VPS39: variants seen among roughly 807,000 people sequenced by gnomAD.
The protein encoded by VPS39 is vam6/Vps39-like protein.
In VPS39, 70 loss-of-function variants were observed where a neutral mutation model predicts 121.0. The observed-to-expected ratio is 0.58, with a 90% CI of 0.48 to 0.71. VPS39 has a LOEUF of 0.71. Among genes scored for constraint, VPS39 ranks in the 30% least tolerant of loss-of-function variants. The pLI is 0.00. For missense variants in VPS39, 818 were observed against 1,051.5 expected, an observed-to-expected ratio of 0.78 and a Z score of 3.07; for synonymous variants, 378 against 398.1, an observed-to-expected ratio of 0.95 and a Z score of 0.60.
rs2049088096 is a variant in VPS39, at chr15:42,159,553, C to T, written c.*1201G>A. 1 of 152,512 alleles carries T rather than the reference C, an allele frequency of 6.6e-6. No homozygotes were observed. The allele number at this position is 152,512 out of a possible 1,614,324, so 9.4% of individuals were successfully genotyped here. On this transcript the variant is annotated 3_prime_UTR_variant, in exon 25 of 25. Coordinates refer to ENST00000318006, the MANE Select transcript of VPS39 (RefSeq NM_015289.5). ...TGGCGGTGAGTTATTTTTAAACCAG[C>T]GTCCTGCTGTTCTTGCCCCCCGCGT...
chr15:42,175,056 A>G (rs1367014041), intron 10 of VPS39, among the ~76,000 whole-genome samples: 1 of 152,186 alleles, frequency 6.6e-6, no homozygotes, highest in Non-Finnish European at 1.5e-5. Context: ...TCCCCAGCAA[A>G]GGAGACAGCA....
At chr15:42,191,189 G>C in intron 3 of VPS39, 22 bp from the exon 4 acceptor site, 1 of 1,613,764 alleles carries the variant, frequency 6.2e-7, no homozygotes, top group Non-Finnish European at 8.5e-7. Context: ...GAAATCATGA[G>C]ACCCAATTAA....
intron 10 of VPS39, among the ~76,000 whole-genome samples, chr15:42,177,799 T>A (rs537920664): frequency 4.6e-5 from 7 of 152,306 alleles, no homozygotes; most frequent in Admixed American, 4.6e-4. Context: ...CCTGAGTGGC[T>A]GGGATTACAG....
intron 20 of VPS39, 73 bp downstream of exon 20, chr15:42,163,553 C>A: frequency 6.6e-7 from 1 of 1,524,574 alleles, no homozygotes; most frequent in South Asian, 1.2e-5. Flanking sequence ...GGGAGATGGC[C>A]TTCTTAACTC....
intron 2 of VPS39, among the ~76,000 whole-genome samples, chr15:42,193,584 A>C (rs2049874843): frequency 1.3e-5 from 2 of 152,182 alleles, no homozygotes; most frequent in Non-Finnish European, 2.9e-5. Flanking sequence ...CTCATGCATT[A>C]GTCATTTGGA....
At chr15:42,177,633 T>C (rs1242576953) in intron 10 of VPS39, among the ~76,000 whole-genome samples, 2 of 152,136 alleles carry the variant, frequency 1.3e-5, no homozygotes, top group African/African-American at 4.8e-5. Context: ...TTCATGACCA[T>C]ACAATATATT....
In VPS39 at chr15:42,165,011, G is replaced by A; in HGVS notation, c.1882C>T (p.Leu628=). 6.2e-7 allele frequency: 1 copy of A among 1,614,236 alleles called. No homozygotes were observed. Among genetic ancestry groups the A allele is most frequent in the Non-Finnish European group, 8.5e-7 (1 of 1,180,042 alleles). The change falls in exon 18 of 25, where the codon CTG becomes TTG. Residue 628 remains leucine (L), a synonymous_variant. Coordinates refer to ENST00000318006, the MANE Select transcript of VPS39 (RefSeq NM_015289.5). ...GAACTGGTACCTGCAGGGAAGGACA[G>A]GAGATACTCCTTCATCAGACCTTGC... is the stretch of plus-strand genomic sequence containing the variant. ...KVQGLMKEYL[L]SFPAGKTPVP...
intron 2 of VPS39, among the ~76,000 whole-genome samples, chr15:42,196,202 T>G (rs1171776879): frequency 6.6e-6 from 1 of 152,010 alleles, no homozygotes; most frequent in Non-Finnish European, 1.5e-5. Context: ...ATGTTAGACC[T>G]AAAACCATAA....
intron 2 of VPS39, among the ~76,000 whole-genome samples, chr15:42,194,347 G>A (rs1400299900): frequency 1.1e-4 from 16 of 151,952 alleles, no homozygotes; most frequent in Non-Finnish European, 2.1e-4. Flanking sequence ...GGTGGTGGGC[G>A]CCTGTAATCC....
At chr15:42,184,797 T>C in intron 7 of VPS39, 97 bp from the exon 8 acceptor site, 1 of 1,147,750 alleles carries the variant, frequency 8.7e-7, no homozygotes, top group Non-Finnish European at 1.2e-6. Context: ...GAGAAGCCAA[T>C]AATATTCCTT....
Position 42,162,130 on chromosome 15 carries a change from C to G in VPS39, c.2362G>C (p.Asp788His). Residue 788 changes from aspartate to histidine, a missense_variant, in exon 23 of 25, where the codon GAC becomes CAC. Coordinates refer to ENST00000318006, the MANE Select transcript of VPS39 (RefSeq NM_015289.5). ...NLLPANTQIN[D>H]IRIFLEKVLE... The stretch of plus-strand genomic sequence containing the variant: ...ACCTTTTCCAGGAAGATGCGTATGT[C>G]ATTGATCTGAGTGTTTGCTGGCAGA... 1 of 1,614,164 alleles carries G rather than the reference C, an allele frequency of 6.2e-7. No homozygotes were observed. The highest frequency in any genetic ancestry group is 8.5e-7 in the Non-Finnish European group (1 of 1,180,038).
intron 2 of VPS39, among the ~76,000 whole-genome samples, chr15:42,198,514 C>T (rs928512631): frequency 2.0e-5 from 3 of 152,126 alleles, no homozygotes; most frequent in Non-Finnish European, 2.9e-5. Flanking sequence ...CCACATCCAG[C>T]TAATTTTTTG....
At chr15:42,189,451 C>T (rs1011165444) in intron 4 of VPS39, among the ~76,000 whole-genome samples, 16 of 152,034 alleles carry the variant, frequency 1.1e-4, no homozygotes, top group African/African-American at 3.1e-4. Flanking sequence ...GAGCTTGGCC[C>T]GGCATGGTGG....
chr15:42,184,440 C>T lies in VPS39; in HGVS notation c.718+77G>A, dbSNP rs575339046. ...AACGTAAACCAGTCTGCTAAAGCTA[C>T]GAATGGGACTCCGTTCTGCAGGAAT... On this transcript the variant is annotated intron_variant, in intron 8 of 24. Coordinates refer to ENST00000318006, the MANE Select transcript of VPS39 (RefSeq NM_015289.5). 40 of 1,453,586 alleles carry T rather than the reference C, an allele frequency of 2.8e-5. No homozygotes were observed. In the South Asian group the frequency reaches 4.9e-4, roughly 18 times the overall value. 90.0% of individuals were successfully genotyped at this position (1,453,586 alleles called of 1,614,324 possible).
At chr15:42,179,494 G>A (rs1246230372) in intron 8 of VPS39, among the ~76,000 whole-genome samples, 4 of 150,888 alleles carry the variant, frequency 2.7e-5, no homozygotes, top group East Asian at 1.9e-4. Context: ...GGAGAATGGC[G>A]TGAACCTGGA....
intron 15 of VPS39, 152 bp downstream of exon 15, chr15:42,166,411 C>A (rs899641473): frequency 1.2e-5 from 14 of 1,131,068 alleles, no homozygotes; most frequent in South Asian, 2.9e-5. Context: ...CACAGGCCAA[C>A]CACCGAGGGA....
chr15:42,188,640 T>C (rs2049755306), intron 5 of VPS39, among the ~76,000 whole-genome samples: 1 of 152,100 alleles, frequency 6.6e-6, no homozygotes, highest in African/African-American at 2.4e-5. Context: ...AACTTCACAC[T>C]ATGCACCAAC....
At chr15:42,170,811 T>C (rs927627560) in intron 11 of VPS39, among the ~76,000 whole-genome samples, 10 of 148,082 alleles carry the variant, frequency 6.8e-5, no homozygotes, top group African/African-American at 2.5e-4. Context: ...TGGCTTCTTG[T>C]AGTCTTGACC....
At position 42,166,634 on chromosome 15, in the gene VPS39, A is replaced by G. The variant is rs774495068; in HGVS notation, c.1535T>C (p.Val512Ala). The change falls in exon 15 of 25, where the codon GTG (valine) becomes GCG (alanine). Residue 512 changes from valine to alanine, a missense_variant. Coordinates refer to ENST00000318006, the MANE Select transcript of VPS39 (RefSeq NM_015289.5). ...GLHEKALQVL[V>A]DQSKKANSPL... Reference sequence around the variant, plus strand: ...GGAGTTGGCTTTCTTGGACTGGTCCACGAGCACCTGCAGAGCTGGCCACCA... The same window carrying G: ...GGAGTTGGCTTTCTTGGACTGGTCCGCGAGCACCTGCAGAGCTGGCCACCA... 3 of 1,614,180 alleles carry G rather than the reference A, an allele frequency of 1.9e-6. No individual in the cohort carries two copies. The highest frequency in any genetic ancestry group is 2.5e-6 in the Non-Finnish European group (3 of 1,180,024).
Sources: allele counts gnomAD v4.1 joint callset (sites outside exome capture counted in the v4.1 genomes callset), GRCh38; gene constraint gnomAD v4.1.1; transcripts MANE v1.5; gene names NCBI Gene and HGNC (gene_info 2026-07-23, HGNC 2026-07-21).